USH2A: variants seen among roughly 807,000 people sequenced by gnomAD.
The protein encoded by USH2A is Usher syndrome 2A (autosomal recessive, mild).
USH2A carries 443 observed loss-of-function variants against 538.9 expected under a neutral mutation model. The observed-to-expected ratio is 0.82, with a 90% CI of 0.76 to 0.89. The LOEUF is 0.89. USH2A is among the 40% of genes least tolerant of loss of function. The pLI, the probability that USH2A is intolerant of heterozygous loss-of-function variation, is 0.00. For synonymous variants in USH2A, 2,413 were observed against 2,273.5 expected (o/e 1.06, Z -1.75); for missense variants, 6,633 against 6,324.8 (o/e 1.05, Z -1.65).
At position 215,808,658 on chromosome 1, in the gene USH2A, T is replaced by C. The variant is rs368857973; in HGVS notation, c.9739+5078A>G. ...ACTATGGTTTGTCTTGTATAGTATG[T>C]CATGTAAATGCAGTCTCACAGTTGG... On this transcript the variant is annotated intron_variant, in intron 49 of 71. Transcript: ENST00000307340. 4.4e-4 allele frequency among the ~76,000 whole-genome samples: 67 copies of C among 152,256 alleles called. 2 individuals are homozygous for C. In the South Asian group the frequency reaches 0.014, roughly 31 times the overall value.
At chr1:216,050,579 T>TCC (rs372910532) in intron 30 of USH2A, among the ~76,000 whole-genome samples, 5 of 60,920 alleles carry the variant, frequency 8.2e-5, no homozygotes, top group African/African-American at 3.2e-4. Context: ...TTTCTTTCTT[T>TCC]CTTTCTTTCT....
intron 25 of USH2A, among the ~76,000 whole-genome samples, chr1:216,083,956 T>G (rs1212683411): frequency 2.0e-5 from 3 of 152,102 alleles, no homozygotes; most frequent in African/African-American, 7.2e-5. Context: ...TAGATTATAT[T>G]ATTAATATCA....
intron 50 of USH2A, among the ~76,000 whole-genome samples, chr1:215,791,475 T>G (rs1367773681): frequency 6.6e-6 from 1 of 152,184 alleles, no homozygotes; most frequent in Non-Finnish European, 1.5e-5. Flanking sequence ...GGCACATGCC[T>G]TAAGAAAGAT....
intron 61 of USH2A, among the ~76,000 whole-genome samples, chr1:215,686,332 G>C (rs1446872956): frequency 6.6e-6 from 1 of 152,006 alleles, no homozygotes; most frequent in Non-Finnish European, 1.5e-5. Flanking sequence ...GAGGACTTGG[G>C]GAAGACTTAA....
At chr1:216,177,017 T>C (rs2034399993) in intron 20 of USH2A, among the ~76,000 whole-genome samples, 1 of 152,216 alleles carries the variant, frequency 6.6e-6, no homozygotes, top group Non-Finnish European at 1.5e-5. Context: ...GATGTGCATA[T>C]ATATGTGTAC....
chr1:216,237,149 G>A (rs940983371), intron 13 of USH2A, among the ~76,000 whole-genome samples: 6 of 152,046 alleles, frequency 3.9e-5, no homozygotes, highest in South Asian at 2.1e-4. Context: ...CTAAGTTCTC[G>A]GAGATAATTC....
chr1:216,032,160 G>A (rs921646013), intron 32 of USH2A, among the ~76,000 whole-genome samples: 2 of 152,078 alleles, frequency 1.3e-5, no homozygotes, highest in African/African-American at 4.8e-5. Context: ...AATATTTTCT[G>A]AGTTAAATTG....
At chr1:215,922,088 T>C (rs1392742069) in intron 38 of USH2A, among the ~76,000 whole-genome samples, 1 of 152,096 alleles carries the variant, frequency 6.6e-6, no homozygotes, top group Non-Finnish European at 1.5e-5. Flanking sequence ...AAGATGTAAC[T>C]GACTTGAGGA....
At chr1:216,245,374 G>A (rs893318185) in intron 13 of USH2A, among the ~76,000 whole-genome samples, 4 of 151,676 alleles carry the variant, frequency 2.6e-5, no homozygotes, top group South Asian at 2.1e-4. Context: ...CTAATAAATC[G>A]CTCTGTTGTG....
At chr1:215,977,807 A>G (rs1667657379) in intron 35 of USH2A, among the ~76,000 whole-genome samples, 1 of 152,176 alleles carries the variant, frequency 6.6e-6, no homozygotes, top group African/African-American at 2.4e-5. Flanking sequence ...CACTGCCACC[A>G]GCCCAAAATA....
intron 55 of USH2A, among the ~76,000 whole-genome samples, chr1:215,772,986 T>C (rs1287551885): frequency 6.6e-6 from 1 of 152,238 alleles, no homozygotes; most frequent in Non-Finnish European, 1.5e-5. Context: ...ACTGGATGTG[T>C]GGTCTGGCCC....
rs926475872 is a variant in USH2A at position 215,847,278 on chromosome 1, A to G, written c.8846-1245T>C. Among the ~76,000 whole-genome samples, 6 of 152,306 alleles carry G rather than the reference A, an allele frequency of 3.9e-5. 1 individual carries two copies. Among genetic ancestry groups the G allele is most frequent in the Non-Finnish European group, 8.8e-5 (6 of 68,026 alleles). ...ATTATTTTCAGAGACTTTTAAGCAG[A>G]AACGATTACCTTAGTTTGTTAGGAT... On this transcript the variant is annotated intron_variant, in intron 44 of 71. Coordinates refer to ENST00000307340, the MANE Select transcript of USH2A (RefSeq NM_206933.4).
At chr1:216,297,027 C>A in intron 9 of USH2A, among the ~76,000 whole-genome samples, 1 of 151,822 alleles carries the variant, frequency 6.6e-6, no homozygotes. Flanking sequence ...ACTCTGGTTA[C>A]TATATTAAAC....
At chr1:215,751,513 C>T (rs1034900326) in intron 58 of USH2A, among the ~76,000 whole-genome samples, 14 of 152,006 alleles carry the variant, frequency 9.2e-5, no homozygotes, top group African/African-American at 3.4e-4. Context: ...CTCATTATTA[C>T]CTTCAGAGTT....
chr1:216,293,020 TC>T (rs1428028923), intron 9 of USH2A, among the ~76,000 whole-genome samples: 4 of 148,240 alleles, frequency 2.7e-5, no homozygotes, highest in Admixed American at 6.7e-5. Flanking sequence ...AACACAAGCA[TC>T]TTTTTTTTTT....
At chr1:216,110,547 A>G (rs370190152) in intron 21 of USH2A, among the ~76,000 whole-genome samples, 1 of 152,234 alleles carries the variant, frequency 6.6e-6, no homozygotes, top group African/African-American at 2.4e-5. Context: ...CTGAATAATA[A>G]AGATAAACAA....
At chr1:216,061,609 C>T (rs952350636) in intron 30 of USH2A, among the ~76,000 whole-genome samples, 11 of 152,112 alleles carry the variant, frequency 7.2e-5, no homozygotes, top group African/African-American at 2.7e-4. Context: ...ACATTCCAGG[C>T]CAATTTAATC....
intron 35 of USH2A, among the ~76,000 whole-genome samples, chr1:215,977,538 T>C (rs1043149845): frequency 6.6e-6 from 1 of 152,136 alleles, no homozygotes; most frequent in African/African-American, 2.4e-5. Context: ...ATGGAGTCTA[T>C]CTCTGTAGCC....
chr1:216,096,181 C>T (rs2032437383), intron 22 of USH2A, among the ~76,000 whole-genome samples: 1 of 152,176 alleles, frequency 6.6e-6, no homozygotes, highest in Non-Finnish European at 1.5e-5. Context: ...TCTTAAATGA[C>T]TTGGTTTCTA....
Sources: allele counts gnomAD v4.1 joint callset (sites outside exome capture counted in the v4.1 genomes callset), GRCh38; gene constraint gnomAD v4.1.1; transcripts MANE v1.5; gene names NCBI Gene and HGNC (gene_info 2026-07-23, HGNC 2026-07-21).